NWD2: variants seen among roughly 807,000 people sequenced by gnomAD.
NWD2 encodes the protein NACHT and WD repeat domain containing 2.
NWD2 carries 37 observed loss-of-function variants against 132.7 expected under a neutral mutation model. The ratio of observed to expected loss-of-function variants is 0.28; its 90% CI spans 0.21 to 0.37. NWD2 has a LOEUF of 0.37. NWD2 is among the 10% of genes least tolerant of loss of function. NWD2 has a pLI of 1.00. For synonymous variants in NWD2, 705 were observed against 803.0 expected (o/e 0.88, Z 2.06); for missense variants, 1,592 against 2,122.4 (o/e 0.75, Z 4.91).
At chr4:37,373,186 C>G (rs1720266770) in intron 3 of NWD2, among the ~76,000 whole-genome samples, 1 of 152,160 alleles carries the variant, frequency 6.6e-6, no homozygotes, top group Non-Finnish European at 1.5e-5. Context: ...TAATATTAGT[C>G]CCATTTCGCA....
At chr4:37,294,224 C>G (rs879504030) in intron 1 of NWD2, among the ~76,000 whole-genome samples, 1 of 152,134 alleles carries the variant, frequency 6.6e-6, no homozygotes, top group Non-Finnish European at 1.5e-5. Flanking sequence ...TGAAACAGTA[C>G]GTACACATCG....
intron 3 of NWD2, among the ~76,000 whole-genome samples, chr4:37,429,755 C>G (rs1037145840): frequency 6.6e-6 from 1 of 152,200 alleles, no homozygotes; most frequent in Admixed American, 6.5e-5. Flanking sequence ...TTACACAATT[C>G]TTTCAAAGAA....
At chr4:37,290,322 T>C (rs1776552) in intron 1 of NWD2, among the ~76,000 whole-genome samples, 4,210 of 152,286 alleles carry the variant, frequency 0.028, 200 homozygotes, top group African/African-American at 0.095. Flanking sequence ...AAAAAATGTA[T>C]TGGGCCACTA....
Position 37,328,261 on chromosome 4 carries a change from TA to T in NWD2, c.240+2238del, listed in dbSNP as rs532294922. On this transcript the variant is annotated intron_variant, in intron 2 of 6. Transcript: ENST00000309447. ...ATGCTTTTCTTTTTATTATTATTAT[TA>T]CACTTTAAGTTCTGGTATACGTGTG... 3.3e-3 allele frequency among the ~76,000 whole-genome samples: 501 copies of T among 152,286 alleles called. 3 individuals carry two copies. The highest frequency in any genetic ancestry group is 0.011 in the African/African-American group (468 of 41,562).
At chr4:37,373,886 G>C (rs1229744942) in intron 3 of NWD2, among the ~76,000 whole-genome samples, 1 of 152,170 alleles carries the variant, frequency 6.6e-6, no homozygotes. Context: ...ATCTGAAAAT[G>C]GTTTGCCATC....
chr4:37,431,416 G>A (rs73228712), intron 4 of NWD2, among the ~76,000 whole-genome samples: 22,005 of 152,136 alleles, frequency 0.14, 2,030 homozygotes, highest in South Asian at 0.2. Flanking sequence ...AATTAAGCCA[G>A]GCCCAGAAAG....
intron 1 of NWD2, among the ~76,000 whole-genome samples, chr4:37,292,916 C>A (rs764237146): frequency 8.5e-5 from 13 of 152,202 alleles, no homozygotes; most frequent in Non-Finnish European, 1.9e-4. Context: ...GCCCACCGCT[C>A]ACCTCCTGCT....
intron 2 of NWD2, among the ~76,000 whole-genome samples, chr4:37,344,774 C>A (rs919411720): frequency 2.0e-5 from 3 of 152,114 alleles, no homozygotes; most frequent in Non-Finnish European, 2.9e-5. Flanking sequence ...GTTTTTAGTA[C>A]ATTCACAATT....
chr4:37,247,227 T>A (rs1717262066), intron 1 of NWD2, among the ~76,000 whole-genome samples: 1 of 152,244 alleles, frequency 6.6e-6, no homozygotes, highest in Admixed American at 6.5e-5. Context: ...TGGGCATTTT[T>A]AATGATCTGA....
At chr4:37,269,729 T>C (rs1717830621) in intron 1 of NWD2, among the ~76,000 whole-genome samples, 1 of 151,962 alleles carries the variant, frequency 6.6e-6, no homozygotes, top group African/African-American at 2.4e-5. Context: ...TTCTGTTTTA[T>C]GAACACACCA....
At chr4:37,434,676 G>A (rs941951386) in intron 5 of NWD2, among the ~76,000 whole-genome samples, 1 of 152,108 alleles carries the variant, frequency 6.6e-6, no homozygotes, top group African/African-American at 2.4e-5. Flanking sequence ...TGCATCTAAG[G>A]TAGAGAATTC....
Position 37,446,595 on chromosome 4 carries a change from G to A in NWD2, c.4607G>A (p.Gly1536Glu). 1 of 1,551,674 alleles carries A rather than the reference G, an allele frequency of 6.4e-7. No individual in the cohort carries two copies. Among genetic ancestry groups the A allele is most frequent in the Non-Finnish European group, 8.7e-7 (1 of 1,146,992 alleles). ...GAGGACTTTGAAATTTCTCCCAATG[G>A]AAAGCTAGGCATTATAGCCAGGGGA... ...NLEDFEISPN[G>E]KLGIIARGDE... is the part of the protein sequence containing the mutation. The change falls in exon 7 of 7, where the codon GGA (glycine) becomes GAA (glutamate). Residue 1536 changes from glycine to glutamate, a missense_variant. By Grantham distance (98) the Gly-to-Glu change is moderately conservative. Around this residue, in one of 7 missense-constraint regions of NWD2, gnomAD observed 257 missense variants for 335.0 expected, o/e 0.77. Coordinates refer to ENST00000309447, the MANE Select transcript of NWD2 (RefSeq NM_001144990.2). This position sits in a 1 kb window ranked among gnomAD's most constrained non-coding sequence, Gnocchi z 6.7.
At chr4:37,293,869 C>T (rs1718418579) in intron 1 of NWD2, among the ~76,000 whole-genome samples, 1 of 140,970 alleles carries the variant, frequency 7.1e-6, no homozygotes, top group South Asian at 2.4e-4. Context: ...ATGTTAAGCC[C>T]AGGGCACACT....
chr4:37,315,481 GT>G lies in NWD2; in HGVS notation c.152-10447del, dbSNP rs571419315. Among the ~76,000 whole-genome samples, 5 of 151,768 alleles carry G rather than the reference GT, an allele frequency of 3.3e-5. No individual in the cohort carries two copies. The East Asian group carries it at 9.7e-4, about 29-fold the overall frequency. On this transcript the variant is annotated intron_variant, in intron 1 of 6. Transcript: ENST00000309447. Reference sequence around the variant, plus strand: ...TGTGTACACATTCATAATTGTTATAGTTTTTTTTCCTCTAGTAGTATTTCTT... The same window carrying G: ...TGTGTACACATTCATAATTGTTATAGTTTTTTTCCTCTAGTAGTATTTCTT...
chr4:37,306,927 G>A (rs2109278915), intron 1 of NWD2, among the ~76,000 whole-genome samples: 1 of 152,170 alleles, frequency 6.6e-6, no homozygotes, highest in African/African-American at 2.4e-5. Flanking sequence ...GGAAGGCTGA[G>A]GCAGGAGAAT....
At chr4:37,398,520 A>G (rs1181290509) in intron 3 of NWD2, among the ~76,000 whole-genome samples, 1 of 152,112 alleles carries the variant, frequency 6.6e-6, no homozygotes, top group Non-Finnish European at 1.5e-5. Context: ...TAAAACCTAC[A>G]TGCCGGGTTC....
Position 37,446,467 on chromosome 4 carries a change from CA to C in NWD2, c.4480del (p.Ile1494SerfsTer10). The C allele has an allele frequency of 6.4e-7, 1 of 1,551,734 alleles. No homozygotes were observed. The highest frequency in any genetic ancestry group is 8.7e-7 in the Non-Finnish European group (1 of 1,147,006). On this transcript the variant is annotated frameshift_variant, in exon 7 of 7. Coordinates refer to ENST00000309447, the MANE Select transcript of NWD2 (RefSeq NM_001144990.2). LOFTEE classifies it high-confidence loss of function. The surrounding 1 kb of genome is among the most constrained non-coding windows in gnomAD (Gnocchi z 6.7). ...AATTAATCCCTGACTGTCCTGATAT[CA>C]TCGTGTTTATCACATCGGCCGAGAC... Reference protein sequence around the residue: ...FKLIPDCPDIIVFITSAETVN... With the variant: ...FKLIPDCPDIXVFITSAETVN...
At chr4:37,422,405 T>C (rs1448614879) in intron 3 of NWD2, among the ~76,000 whole-genome samples, 1 of 152,212 alleles carries the variant, frequency 6.6e-6, no homozygotes, top group Non-Finnish European at 1.5e-5. Context: ...CCCTGGAACA[T>C]TGATAAGTTT....
chr4:37,372,818 C>T (rs1461706246), intron 3 of NWD2, among the ~76,000 whole-genome samples: 1 of 152,138 alleles, frequency 6.6e-6, no homozygotes, highest in Non-Finnish European at 1.5e-5. Context: ...ATTATTAGTT[C>T]ATTTTTCTTA....
Sources: gnomAD v4.1 joint callset for allele counts (sites outside exome capture counted in the v4.1 genomes callset) on GRCh38, gnomAD v4.1.1 for gene constraint, gnomAD v4.1.1 regional missense constraint, Gnocchi (gnomAD v3.1) non-coding constraint, MANE v1.5 for transcripts, NCBI Gene and HGNC (gene_info 2026-07-23, HGNC 2026-07-21) for gene names.